The following SLC24A3 variants were observed in gnomAD, a reference collection of about 807,000 sequenced individuals.
SLC24A3 encodes the protein solute carrier family 24 member 3, also known as sodium/potassium/calcium exchanger 3.
A neutral mutation model predicts 75.8 loss-of-function variants in SLC24A3; 28 were observed. The observed-to-expected ratio is 0.37, with a 90% CI of 0.27 to 0.51. The LOEUF (loss-of-function observed/expected upper bound fraction) is 0.51. Ranked by LOEUF, SLC24A3 falls within the 20% of genes least tolerant of loss-of-function variation. SLC24A3 has a pLI of 0.94. For missense variants in SLC24A3, 663 were observed against 847.8 expected, an observed-to-expected ratio of 0.78 and a Z score of 2.71; for synonymous variants, 372 against 334.1, an observed-to-expected ratio of 1.11 and a Z score of -1.24.
At chr20:19,522,667 C>T (rs532327229) in intron 3 of SLC24A3, among the ~76,000 whole-genome samples, 1 of 152,328 alleles carries the variant, frequency 6.6e-6, no homozygotes, top group African/African-American at 2.4e-5. Flanking sequence ...GGCCAGAGCC[C>T]AATCCATTCA....
At chr20:19,633,657 A>AG (rs1488875005) in intron 6 of SLC24A3, among the ~76,000 whole-genome samples, 1 of 151,322 alleles carries the variant, frequency 6.6e-6, no homozygotes, top group Admixed American at 6.6e-5. Context: ...TCAAAAAAAA[A>AG]AAAAAAAAAA....
intron 1 of SLC24A3, among the ~76,000 whole-genome samples, chr20:19,237,433 G>C (rs1392129838): frequency 6.6e-6 from 1 of 152,148 alleles, no homozygotes; most frequent in East Asian, 1.9e-4. Flanking sequence ...AGAAGGCCTG[G>C]TGTGCCGTCC....
intron 6 of SLC24A3, among the ~76,000 whole-genome samples, chr20:19,617,105 C>T (rs957871836): frequency 3.3e-5 from 5 of 152,290 alleles, no homozygotes; most frequent in African/African-American, 7.2e-5. Flanking sequence ...TGGAATGACC[C>T]CAGCCTAGAA....
At chr20:19,420,507 T>G (rs1319195991) in intron 2 of SLC24A3, among the ~76,000 whole-genome samples, 1 of 148,308 alleles carries the variant, frequency 6.7e-6, no homozygotes. Flanking sequence ...CCTGACTTTT[T>G]AATGATTGCC....
chr20:19,418,497 A>G (rs2122431888), intron 2 of SLC24A3, among the ~76,000 whole-genome samples: 1 of 152,232 alleles, frequency 6.6e-6, no homozygotes, highest in Middle Eastern at 3.4e-3. Context: ...GGTCTGTGCA[A>G]TCTAAAACCC....
intron 2 of SLC24A3, among the ~76,000 whole-genome samples, chr20:19,282,152 C>T (rs1983683941): frequency 6.6e-6 from 1 of 152,152 alleles, no homozygotes. Context: ...GAAGACATGT[C>T]AGAGAATTGC....
chr20:19,397,753 A>G (rs1986482340), intron 2 of SLC24A3, among the ~76,000 whole-genome samples: 1 of 151,400 alleles, frequency 6.6e-6, no homozygotes, highest in Non-Finnish European at 1.5e-5. Flanking sequence ...CATCTATTAA[A>G]TAAGTTGGAA....
In SLC24A3 at chr20:19,577,833, G is replaced by T. The variant is rs1265511701; in HGVS notation, c.349-2167G>T. ...GCGTCTTATTGAATGATGAACCACA[G>T]TTTATATAACCCATTCCCCAAGGTA... On this transcript the variant is annotated intron_variant, in intron 3 of 16. Coordinates refer to ENST00000328041, the MANE Select transcript of SLC24A3 (RefSeq NM_020689.4). Among the ~76,000 whole-genome samples the T allele has an allele frequency of 3.3e-5, 5 of 152,158 alleles. No individual in the cohort carries two copies. The East Asian group carries it at 9.6e-4, about 29-fold the overall frequency.
intron 3 of SLC24A3, among the ~76,000 whole-genome samples, chr20:19,576,716 A>G (rs1310380251): frequency 1.3e-5 from 2 of 152,186 alleles, no homozygotes; most frequent in Non-Finnish European, 2.9e-5. Flanking sequence ...AGTGTGTTAG[A>G]TGGAGCTTCT....
chr20:19,697,661 T>G (rs2032825578), intron 14 of SLC24A3: 1 of 152,334 alleles, frequency 6.6e-6, no homozygotes. Context: ...GGCATTTGTT[T>G]CAAACAAATG....
rs1357299322 is a variant in SLC24A3, at chr20:19,228,464, C to T, written c.142+15480C>T. ...ACCATCCTGGCTAACACTGTGAAAC[C>T]TTGTCTCTACTAAAAATACAAAAAA... is the stretch of plus-strand genomic sequence containing the variant. On this transcript the variant is annotated intron_variant, in intron 1 of 16. Coordinates refer to ENST00000328041, the MANE Select transcript of SLC24A3 (RefSeq NM_020689.4). 2.6e-5 allele frequency among the ~76,000 whole-genome samples: 4 copies of T among 152,078 alleles called. No individual in the cohort carries two copies. In the East Asian group the frequency reaches 5.8e-4, roughly 22 times the overall value.
At chr20:19,264,409 T>G (rs1983095457) in intron 1 of SLC24A3, among the ~76,000 whole-genome samples, 1 of 152,138 alleles carries the variant, frequency 6.6e-6, no homozygotes, top group East Asian at 1.9e-4. Flanking sequence ...GTCTCTCTGC[T>G]TCCTGGCTCA....
intron 2 of SLC24A3, among the ~76,000 whole-genome samples, chr20:19,439,505 G>C (rs761223): frequency 0.44 from 66,399 of 151,944 alleles, 14,884 homozygotes; most frequent in African/African-American, 0.53. Context: ...TGAAACACTT[G>C]TGAATGATTT....
At chr20:19,429,007 C>G (rs1013382648) in intron 2 of SLC24A3, among the ~76,000 whole-genome samples, 9 of 152,306 alleles carry the variant, frequency 5.9e-5, no homozygotes, top group Admixed American at 5.9e-4. Context: ...CTTCCCTCCC[C>G]CTCCAGTGTT....
intron 2 of SLC24A3, among the ~76,000 whole-genome samples, chr20:19,456,801 G>A (rs1274057369): frequency 1.3e-5 from 2 of 152,178 alleles, no homozygotes; most frequent in African/African-American, 4.8e-5. Flanking sequence ...TTCCTGCCTT[G>A]GGACAGCTTT....
chr20:19,684,946 G>C (rs981008285), intron 11 of SLC24A3, among the ~76,000 whole-genome samples, 154 bp from the exon 12 acceptor site: 11 of 152,210 alleles, frequency 7.2e-5, no homozygotes, highest in African/African-American at 2.4e-4. Context: ...TCTGGAGTTG[G>C]TTATCACATT....
intron 2 of SLC24A3, among the ~76,000 whole-genome samples, chr20:19,494,468 A>G (rs1350948535): frequency 6.6e-6 from 1 of 152,218 alleles, no homozygotes; most frequent in Non-Finnish European, 1.5e-5. Flanking sequence ...TCTGGGAAAC[A>G]AACTTATTAA....
chr20:19,484,202 G>A (rs367669228), intron 2 of SLC24A3, among the ~76,000 whole-genome samples: 205 of 152,230 alleles, frequency 1.3e-3, no homozygotes, highest in African/African-American at 4.7e-3. Flanking sequence ...GAATATTTGC[G>A]TATGCATAAT....
chr20:19,617,865 G>C (rs1194038407), intron 6 of SLC24A3, among the ~76,000 whole-genome samples: 1 of 152,118 alleles, frequency 6.6e-6, no homozygotes, highest in Non-Finnish European at 1.5e-5. Flanking sequence ...GTTACATAAT[G>C]AAAAGACTAA....
Sources: allele counts gnomAD v4.1 joint callset (sites outside exome capture counted in the v4.1 genomes callset), GRCh38; gene constraint gnomAD v4.1.1; transcripts MANE v1.5; gene names NCBI Gene and HGNC (gene_info 2026-07-23, HGNC 2026-07-21).